GPC3: variants seen among roughly 807,000 people sequenced by gnomAD.
GPC3 encodes glypican 3.
Under a neutral mutation model 34.4 loss-of-function variants are expected in GPC3, and 3 were observed. The observed-to-expected ratio is 0.09, with a 90% confidence interval of 0.04 to 0.23. The LOEUF is 0.23. GPC3 is among the 10% of genes least tolerant of loss of function. The pLI is 1.00. For missense variants in GPC3, 351 were observed against 445.6 expected (o/e 0.79, Z 1.91); for synonymous variants, 177 against 174.0 (o/e 1.02, Z -0.13).
rs1569406972 is a variant in GPC3, at chrX:133,655,505, CCCACA to C, written c.1413+6220_1413+6224del. On this transcript the variant is annotated intron_variant, in intron 6 of 7. Coordinates refer to ENST00000370818, the MANE Select transcript of GPC3 (RefSeq NM_004484.4). Reference sequence around the variant, plus strand: ...ACACACACACACACACACACACACACCCACACACACACACACACACACATTCTGGC... The same window carrying C: ...ACACACACACACACACACACACACACCACACACACACACACACATTCTGGC... Among the ~76,000 whole-genome samples the C allele has an allele frequency of 2.1e-3, 224 of 106,716 alleles. 1 individual carries two copies. The highest frequency in any genetic ancestry group is 7.5e-3 in the African/African-American group (208 of 27,800). The allele number at this position is 106,716 out of a possible 115,157, so 92.7% of individuals were successfully genotyped here.
chrX:133,741,138 G>A (rs1306736653), intron 3 of GPC3, among the ~76,000 whole-genome samples: 1 of 110,087 alleles, frequency 9.1e-6, no homozygotes, highest in African/African-American at 3.3e-5. Context: ...TGCACCAAGG[G>A]AAAGCCATGT....
chrX:133,954,410 C>T (rs1317840764), intron 1 of GPC3, among the ~76,000 whole-genome samples: 1 of 112,040 alleles, frequency 8.9e-6, no homozygotes, highest in Non-Finnish European at 1.9e-5. Flanking sequence ...GTCTCACTCT[C>T]ATTGCCCAGG....
intron 2 of GPC3, among the ~76,000 whole-genome samples, chrX:133,806,794 G>A (rs906897101): frequency 9.5e-4 from 104 of 109,425 alleles, no homozygotes; most frequent in African/African-American, 3.3e-3. Flanking sequence ...GACTACAGGC[G>A]CCCACCACCA....
intron 7 of GPC3, among the ~76,000 whole-genome samples, chrX:133,595,946 C>G (rs1167879481): frequency 8.9e-6 from 1 of 111,984 alleles, no homozygotes. Flanking sequence ...TGAAAGTTAT[C>G]TCACCAGTGG....
At chrX:133,759,556 T>C (rs997273962) in intron 2 of GPC3, among the ~76,000 whole-genome samples, 2 of 112,232 alleles carry the variant, frequency 1.8e-5, no homozygotes, top group African/African-American at 6.5e-5. Flanking sequence ...CAATTGGACA[T>C]CCACATGCAA....
At chrX:133,547,248 T>C (rs1197886421) in intron 7 of GPC3, among the ~76,000 whole-genome samples, 2 of 111,589 alleles carry the variant, frequency 1.8e-5, no homozygotes, top group Admixed American at 9.6e-5. Context: ...TTAATAAAGA[T>C]AGCAAAGTAT....
chrX:133,927,479 CTT>C (rs1242401529), intron 2 of GPC3, among the ~76,000 whole-genome samples: 1 of 104,035 alleles, frequency 9.6e-6, no homozygotes, highest in Non-Finnish European at 2.0e-5. Flanking sequence ...GGGACTTTCA[CTT>C]TTTTTTTTTC....
At chrX:133,631,840 T>C (rs762281488) in intron 6 of GPC3, among the ~76,000 whole-genome samples, 13 of 110,346 alleles carry the variant, frequency 1.2e-4, no homozygotes, top group Non-Finnish European at 1.9e-4. Context: ...TGATAACTCA[T>C]TGTGGTTTTA....
intron 6 of GPC3, among the ~76,000 whole-genome samples, chrX:133,613,696 T>G (rs1038019393): frequency 2.9e-4 from 33 of 111,895 alleles, no homozygotes; most frequent in African/African-American, 1.0e-3. Context: ...AAATGGAGAT[T>G]TAAAAAATTG....
At chrX:133,961,394 T>G (rs1415365882) in intron 1 of GPC3, among the ~76,000 whole-genome samples, 4 of 111,662 alleles carry the variant, frequency 3.6e-5, no homozygotes, top group Non-Finnish European at 7.5e-5. Context: ...GAATTACCTT[T>G]ATCTCTACTG....
intron 4 of GPC3, among the ~76,000 whole-genome samples, chrX:133,699,462 T>G (rs1264421184): frequency 8.9e-6 from 1 of 112,024 alleles, no homozygotes; most frequent in African/African-American, 3.2e-5. Context: ...CATTTTATCA[T>G]TTTTAAAAGG....
intron 2 of GPC3, among the ~76,000 whole-genome samples, chrX:133,950,840 G>A (rs1208139521): frequency 9.0e-6 from 1 of 111,406 alleles, no homozygotes; most frequent in Non-Finnish European, 1.9e-5. Flanking sequence ...TGAGGTCTGG[G>A]ATCATGGTTT....
chrX:133,851,058 G>A (rs1295608669), intron 2 of GPC3, among the ~76,000 whole-genome samples: 3 of 111,671 alleles, frequency 2.7e-5, no homozygotes, highest in African/African-American at 6.5e-5. Context: ...AGCTGAGATC[G>A]TGCCACTGCA....
chrX:133,890,217 T>G (rs1165722944), intron 2 of GPC3, among the ~76,000 whole-genome samples: 1 of 112,092 alleles, frequency 8.9e-6, no homozygotes, highest in Non-Finnish European at 1.9e-5. Context: ...CTGTACAGTA[T>G]TCTATCATAT....
At chrX:133,556,128 A>T (rs1195451992) in intron 7 of GPC3, among the ~76,000 whole-genome samples, 2 of 111,920 alleles carry the variant, frequency 1.8e-5, no homozygotes, top group Non-Finnish European at 3.8e-5. Flanking sequence ...CACCTGGACT[A>T]TTGTGACAGC....
intron 7 of GPC3, among the ~76,000 whole-genome samples, chrX:133,591,440 C>T (rs989650331): frequency 9.0e-6 from 1 of 111,468 alleles, no homozygotes; most frequent in Non-Finnish European, 1.9e-5. Context: ...GGCAATGAGT[C>T]TCCTCTCCAT....
chrX:133,828,032 A>G (rs1027980701), intron 2 of GPC3, among the ~76,000 whole-genome samples: 1 of 110,862 alleles, frequency 9.0e-6, no homozygotes, highest in African/African-American at 3.3e-5. Context: ...AAATTGTCAT[A>G]AGCTGAGAAC....
intron 1 of GPC3, among the ~76,000 whole-genome samples, chrX:133,973,287 G>A (rs1306718162): frequency 8.9e-6 from 1 of 112,725 alleles, no homozygotes; most frequent in Non-Finnish European, 1.9e-5. Flanking sequence ...TTCCGGCTCC[G>A]CCACTTACAC....
chrX:133,738,584 C>A lies in GPC3; in HGVS notation c.1032+14898G>T, dbSNP rs1163066839. On this transcript the variant is annotated intron_variant, in intron 3 of 7. Transcript: ENST00000370818. ...TTTAATCATCATTTAACAGTGGTACCCAGCAAAAGCAATTTAGCATTATAC... is the reference window on the plus strand; with the variant it reads ...TTTAATCATCATTTAACAGTGGTACACAGCAAAAGCAATTTAGCATTATAC... 2.7e-5 allele frequency among the ~76,000 whole-genome samples: 3 copies of A among 111,492 alleles called. No homozygotes were observed. The Admixed American group carries it at 2.9e-4, about 11-fold the overall frequency.
Sources: allele counts gnomAD v4.1 joint callset (sites outside exome capture counted in the v4.1 genomes callset), GRCh38; gene constraint gnomAD v4.1.1; transcripts MANE v1.5; gene names NCBI Gene and HGNC (gene_info 2026-07-23, HGNC 2026-07-21).